Variants in PDE9A observed in about 807,000 individuals in gnomAD.
The protein encoded by PDE9A is phosphodiesterase 9A, also known as high affinity cGMP-specific 3',5'-cyclic phosphodiesterase 9A.
In PDE9A, 60 loss-of-function variants were observed where a neutral mutation model predicts 87.4. The ratio of observed to expected loss-of-function variants is 0.69; its 90% CI spans 0.56 to 0.85. The LOEUF (loss-of-function observed/expected upper bound fraction) is 0.85, where lower values mean the gene tolerates loss of function less well. Ranked by LOEUF, PDE9A falls within the 40% of genes least tolerant of loss-of-function variation. The probability of loss-of-function intolerance (pLI) is 0.00; values close to 1 mark genes in which losing one functional copy is unlikely to be tolerated. For synonymous variants in PDE9A, 272 were observed against 279.4 expected, an observed-to-expected ratio of 0.97 and a Z score of 0.27; for missense variants, 665 against 779.0, an observed-to-expected ratio of 0.85 and a Z score of 1.74.
rs143826980 is a variant in PDE9A, at chr21:42,657,598, C to T, written c.69+3715C>T. ...TGAGCTGCCCATGGAGTGACAGGGA[C>T]GACGCACTCAGCACTGGGGAGCTGG... On this transcript the variant is annotated intron_variant, in intron 1 of 19. Coordinates refer to ENST00000291539, the MANE Select transcript of PDE9A (RefSeq NM_002606.3). Among the ~76,000 whole-genome samples, 158 of 152,316 alleles carry T rather than the reference C, an allele frequency of 1.0e-3. 1 individual carries two copies. The highest frequency in any genetic ancestry group is 3.7e-3 in the African/African-American group (155 of 41,568).
intron 3 of PDE9A, among the ~76,000 whole-genome samples, chr21:42,690,759 A>G (rs975777844): frequency 2.0e-5 from 3 of 151,902 alleles, no homozygotes; most frequent in African/African-American, 4.8e-5. Flanking sequence ...TGGCCTCCCA[A>G]TCTGGGCCCT....
chr21:42,725,534 C>T (rs964754117), intron 4 of PDE9A, among the ~76,000 whole-genome samples: 2 of 152,114 alleles, frequency 1.3e-5, no homozygotes, highest in African/African-American at 2.4e-5. Context: ...CCACCATGCC[C>T]GGCCTCTGGT....
chr21:42,724,649 C>T, intron 4 of PDE9A: 1 of 947,758 alleles, frequency 1.1e-6, no homozygotes, highest in Non-Finnish European at 1.3e-6. Context: ...GTACCACCAC[C>T]TGGGCAGTGC....
rs746717004 is a variant in PDE9A at position 42,731,865 on chromosome 21, G to C, written c.358G>C (p.Glu120Gln). ...RVVGLEQPRR[E>Q]GAFESGQVEP... ...TGTGGGCCTGGAGCAGCCCCGGAGG[G>C]AAGGAGCATTTGAAAGTGGACAGGT... Residue 120 changes from glutamate (E) to glutamine (Q), a missense_variant, in exon 5 of 20, where the codon GAA (glutamate) becomes CAA (glutamine). By Grantham distance (29) the Glu-to-Gln change is conservative (BLOSUM62 2). Coordinates refer to ENST00000291539, the MANE Select transcript of PDE9A (RefSeq NM_002606.3). 1 of 1,614,230 alleles carries C rather than the reference G, an allele frequency of 6.2e-7. No individual in the cohort carries two copies.
At chr21:42,691,162 T>A (rs1440399385) in intron 3 of PDE9A, among the ~76,000 whole-genome samples, 1 of 148,716 alleles carries the variant, frequency 6.7e-6, no homozygotes, top group African/African-American at 2.5e-5. Flanking sequence ...CCCTTCACCA[T>A]CACCATCCAA....
intron 7 of PDE9A, among the ~76,000 whole-genome samples, chr21:42,737,155 G>A (rs2052545227): frequency 6.6e-6 from 1 of 152,246 alleles, no homozygotes; most frequent in African/African-American, 2.4e-5. Context: ...AAGCTAGCCA[G>A]ATGGGGAAGG....
At chr21:42,750,108 A>C (rs2054266526) in intron 8 of PDE9A, among the ~76,000 whole-genome samples, 1 of 152,180 alleles carries the variant, frequency 6.6e-6, no homozygotes, top group Non-Finnish European at 1.5e-5. Context: ...ACTGCACTCC[A>C]GCCTGGGCAA....
rs904088148 is a variant in PDE9A at position 42,743,698 on chromosome 21, G to A, written c.569-78G>A. 18 of 871,122 alleles carry A rather than the reference G, an allele frequency of 2.1e-5. No homozygotes were observed. In the Admixed American group the frequency reaches 3.3e-4, roughly 16 times the overall value. The allele number at this position is 871,122 out of a possible 1,614,324, so 54.0% of individuals were successfully genotyped here. A position where few individuals can be genotyped will look rare whatever the true frequency, so the allele number is the denominator to read the frequency against. On this transcript the variant is annotated intron_variant, in intron 7 of 19. Coordinates refer to ENST00000291539, the MANE Select transcript of PDE9A (RefSeq NM_002606.3). Reference sequence around the variant, plus strand: ...TATTCCTCCCTGGGAGCCACAGGGAGCCCTTAGTTACCAGCCTTGAGAGAT... The same window carrying A: ...TATTCCTCCCTGGGAGCCACAGGGAACCCTTAGTTACCAGCCTTGAGAGAT...
At chr21:42,703,071 C>A (rs1018908582) in intron 4 of PDE9A, among the ~76,000 whole-genome samples, 8 of 152,182 alleles carry the variant, frequency 5.3e-5, no homozygotes, top group Non-Finnish European at 5.9e-5. Context: ...TGATGAGGAG[C>A]GCAGGTTCCA....
chr21:42,735,849 A>G (rs2146774148), intron 7 of PDE9A, among the ~76,000 whole-genome samples: 1 of 152,064 alleles, frequency 6.6e-6, no homozygotes, highest in South Asian at 2.1e-4. Context: ...ACACAATTCA[A>G]CCCACCACAG....
chr21:42,773,122 T>C (rs535624560), intron 19 of PDE9A, among the ~76,000 whole-genome samples: 24 of 150,680 alleles, frequency 1.6e-4, no homozygotes, highest in Non-Finnish European at 3.1e-4. Context: ...ATTAGCCAGG[T>C]GTTGTGGCGT....
chr21:42,743,739 G>A (rs746085295), intron 7 of PDE9A, 37 bp from the exon 8 acceptor site: 10 of 1,349,548 alleles, frequency 7.4e-6, no homozygotes, highest in African/African-American at 1.4e-5. Flanking sequence ...ACATTCGTCC[G>A]TGGTAACCCC....
chr21:42,706,114 T>G (rs949552213), intron 4 of PDE9A, among the ~76,000 whole-genome samples: 17 of 152,212 alleles, frequency 1.1e-4, no homozygotes, highest in Non-Finnish European at 1.6e-4. Flanking sequence ...GGAGAGGTTT[T>G]GGGGGCAGCC....
At chr21:42,756,877 T>A (rs1489230316) in intron 10 of PDE9A, 1 of 152,396 alleles carries the variant, frequency 6.6e-6, no homozygotes, top group African/African-American at 2.4e-5. Flanking sequence ...CCACAGCCTC[T>A]ATGAAGGCCA....
rs2146394757 is a variant in PDE9A at position 42,705,675 on chromosome 21, AG to A, written c.262+6668del. ...ACGGCCCAAGTCCTATAGGAGAGCC[AG>A]GGGCCATCACGATTTTCTTAGGCAC... On this transcript the variant is annotated intron_variant, in intron 4 of 19. Transcript: ENST00000291539. This position sits in a 1 kb window ranked among gnomAD's most constrained non-coding sequence, Gnocchi z 4.3. Among the ~76,000 whole-genome samples the A allele has an allele frequency of 6.6e-6, 1 of 152,324 alleles. No homozygotes were observed. Among genetic ancestry groups the A allele is most frequent in the South Asian group, 2.1e-4 (1 of 4,826 alleles).
intron 1 of PDE9A, among the ~76,000 whole-genome samples, chr21:42,683,090 C>A (rs2059257571): frequency 6.6e-6 from 1 of 152,180 alleles, no homozygotes; most frequent in East Asian, 1.9e-4. Context: ...GCCGGAAAGT[C>A]CAACAGTACA....
At chr21:42,703,010 T>G (rs1172212759) in intron 4 of PDE9A, among the ~76,000 whole-genome samples, 4 of 152,184 alleles carry the variant, frequency 2.6e-5, no homozygotes, top group African/African-American at 9.7e-5. Context: ...AAGAGGAAGC[T>G]ATTTTTTTGG....
intron 4 of PDE9A, chr21:42,701,314 T>C (rs1258027495): frequency 1.3e-5 from 2 of 152,286 alleles, no homozygotes; most frequent in East Asian, 3.9e-4. Flanking sequence ...ATTTATTAGG[T>C]CTAGTACCTT....
At chr21:42,717,993 C>A (rs1343233227) in intron 4 of PDE9A, among the ~76,000 whole-genome samples, 1 of 151,458 alleles carries the variant, frequency 6.6e-6, no homozygotes, top group African/African-American at 2.4e-5. Flanking sequence ...GATCTCGGCT[C>A]ACTGCAACCT....
Sources: gnomAD v4.1 joint callset for allele counts (sites outside exome capture counted in the v4.1 genomes callset) on GRCh38, gnomAD v4.1.1 for gene constraint, Gnocchi (gnomAD v3.1) non-coding constraint, MANE v1.5 for transcripts, NCBI Gene and HGNC (gene_info 2026-07-23, HGNC 2026-07-21) for gene names.